The following RALYL variants were observed in gnomAD, a reference collection of about 807,000 sequenced individuals.
RALYL encodes the protein RALY RNA binding protein like.
Under a neutral mutation model 35.1 loss-of-function variants are expected in RALYL, and 29 were observed. The ratio of observed to expected loss-of-function variants is 0.83; its 90% CI spans 0.61 to 1.13. The LOEUF (loss-of-function observed/expected upper bound fraction) is 1.13. Ranked by LOEUF, RALYL falls within the 50% of genes most tolerant of loss-of-function variation. The probability of loss-of-function intolerance (pLI) is 0.00; values close to 1 mark genes in which losing one functional copy is unlikely to be tolerated. For missense variants in RALYL, 359 were observed against 360.4 expected, an observed-to-expected ratio of 1.00 and a Z score of 0.03; for synonymous variants, 120 against 127.6, an observed-to-expected ratio of 0.94 and a Z score of 0.40.
chr8:84,483,598 A>G (rs541989918), intron 1 of RALYL, among the ~76,000 whole-genome samples: 1 of 152,296 alleles, frequency 6.6e-6, no homozygotes, highest in South Asian at 2.1e-4. Flanking sequence ...TTTTGCCTAT[A>G]TGCAACCAAG....
chr8:84,324,697 T>C (rs950554416), intron 1 of RALYL, among the ~76,000 whole-genome samples: 1 of 151,990 alleles, frequency 6.6e-6, no homozygotes, highest in African/African-American at 2.4e-5. Context: ...TATTATGGAA[T>C]TATTACTGCT....
At chr8:84,681,079 T>G (rs1835370229) in intron 2 of RALYL, among the ~76,000 whole-genome samples, 2 of 151,072 alleles carry the variant, frequency 1.3e-5, no homozygotes, top group Non-Finnish European at 2.9e-5. Context: ...GGCTAGCCAG[T>G]TTTCCCAGGA....
intron 2 of RALYL, among the ~76,000 whole-genome samples, chr8:84,647,081 T>C (rs1295280311): frequency 2.0e-5 from 3 of 152,192 alleles, no homozygotes; most frequent in Non-Finnish European, 2.9e-5. Context: ...TATAGTTTTT[T>C]GGGAGAAGGA....
At chr8:84,502,760 T>A (rs1256762090) in intron 1 of RALYL, among the ~76,000 whole-genome samples, 5 of 152,016 alleles carry the variant, frequency 3.3e-5, no homozygotes, top group Admixed American at 1.3e-4. Flanking sequence ...GGAGTTAATT[T>A]GTTCATAAAA....
At chr8:84,278,466 T>C (rs1451610956) in intron 1 of RALYL, among the ~76,000 whole-genome samples, 3 of 152,238 alleles carry the variant, frequency 2.0e-5, no homozygotes, top group African/African-American at 7.2e-5. Flanking sequence ...ATTTGGTTCC[T>C]CGTTAATTAT....
intron 2 of RALYL, among the ~76,000 whole-genome samples, chr8:84,620,531 T>G (rs1176846187): frequency 6.6e-6 from 1 of 152,154 alleles, no homozygotes; most frequent in African/African-American, 2.4e-5. Flanking sequence ...TCTTTGCCTT[T>G]GGTTTGAATG....
intron 6 of RALYL, among the ~76,000 whole-genome samples, chr8:84,868,528 C>A (rs981707870): frequency 1.3e-5 from 2 of 152,154 alleles, no homozygotes; most frequent in African/African-American, 2.4e-5. Flanking sequence ...TACTTAACTT[C>A]TCTAATATTC....
intron 6 of RALYL, among the ~76,000 whole-genome samples, chr8:84,871,154 A>G (rs1213343396): frequency 6.6e-6 from 1 of 152,166 alleles, no homozygotes; most frequent in East Asian, 1.9e-4. Context: ...CAAATTCCAT[A>G]ATAATCCAGC....
intron 2 of RALYL, among the ~76,000 whole-genome samples, chr8:84,633,967 T>A (rs79895234): frequency 0.012 from 1,811 of 151,976 alleles, 42 homozygotes; most frequent in African/African-American, 0.04. Context: ...TTGACTGATG[T>A]TAAAATGATA....
chr8:84,639,547 C>T (rs1318037843), intron 2 of RALYL, among the ~76,000 whole-genome samples: 1 of 151,896 alleles, frequency 6.6e-6, no homozygotes, highest in Non-Finnish European at 1.5e-5. Context: ...TTGGGATTTC[C>T]TTTAGCCAAG....
chr8:84,308,501 C>A (rs527409209), intron 1 of RALYL, among the ~76,000 whole-genome samples: 2 of 152,054 alleles, frequency 1.3e-5, no homozygotes, highest in Non-Finnish European at 2.9e-5. Context: ...GATTTTTGAC[C>A]ACAGATATCC....
intron 1 of RALYL, among the ~76,000 whole-genome samples, chr8:84,519,691 A>G (rs1288730265): frequency 1.3e-5 from 2 of 152,230 alleles, no homozygotes; most frequent in Admixed American, 6.5e-5. Flanking sequence ...TTCTTTTAAA[A>G]TGAGAAATCT....
chr8:84,349,423 G>A (rs1484134359), intron 1 of RALYL, among the ~76,000 whole-genome samples: 1 of 150,298 alleles, frequency 6.7e-6, no homozygotes, highest in Non-Finnish European at 1.5e-5. Flanking sequence ...ACAAGGGGAA[G>A]AGCTGAAATC....
intron 1 of RALYL, among the ~76,000 whole-genome samples, chr8:84,194,349 T>C (rs1419408110): frequency 9.9e-5 from 15 of 152,126 alleles, no homozygotes; most frequent in Admixed American, 9.8e-4. Context: ...AAAACAGATT[T>C]TTTTTTTTCA....
intron 3 of RALYL, among the ~76,000 whole-genome samples, chr8:84,775,842 A>G (rs1816718384): frequency 6.6e-6 from 1 of 152,214 alleles, no homozygotes; most frequent in South Asian, 2.1e-4. Context: ...GTTAAACCAT[A>G]TGTCCCACTT....
At chr8:84,837,760 A>G (rs1301345177) in intron 4 of RALYL, among the ~76,000 whole-genome samples, 2 of 152,218 alleles carry the variant, frequency 1.3e-5, no homozygotes, top group South Asian at 2.1e-4. Context: ...ACACACTGAG[A>G]AGTAGGATAA....
At chr8:84,492,834 T>C (rs2055498391) in intron 1 of RALYL, among the ~76,000 whole-genome samples, 1 of 152,158 alleles carries the variant, frequency 6.6e-6, no homozygotes, top group African/African-American at 2.4e-5. Flanking sequence ...AAATTTTACA[T>C]TTTCAGAAGA....
At chr8:84,812,153 G>A (rs1413326508) in intron 4 of RALYL, among the ~76,000 whole-genome samples, 1 of 152,142 alleles carries the variant, frequency 6.6e-6, no homozygotes, top group Non-Finnish European at 1.5e-5. Context: ...GTCTAGGGCT[G>A]AAGGCTGTTG....
intron 2 of RALYL, among the ~76,000 whole-genome samples, chr8:84,768,497 T>C (rs775020862): frequency 6.6e-6 from 1 of 152,176 alleles, no homozygotes; most frequent in Admixed American, 6.5e-5. Flanking sequence ...TTTTAGATGA[T>C]AAACAACATA....
Sources: gnomAD v4.1 joint callset for allele counts (sites outside exome capture counted in the v4.1 genomes callset) on GRCh38, gnomAD v4.1.1 for gene constraint, MANE v1.5 for transcripts, NCBI Gene and HGNC (gene_info 2026-07-23, HGNC 2026-07-21) for gene names.